Variants in PDLIM5 observed in about 807,000 individuals in gnomAD.
The protein encoded by PDLIM5 is PDZ and LIM domain protein 5.
Under a neutral mutation model 64.2 loss-of-function variants are expected in PDLIM5, and 34 were observed. That is an observed-to-expected ratio of 0.53 (90% CI 0.40 to 0.71). The LOEUF (loss-of-function observed/expected upper bound fraction) is 0.71, where lower values mean the gene tolerates loss of function less well. Among genes scored for constraint, PDLIM5 ranks in the 30% least tolerant of loss-of-function variants. The pLI is 0.00. For synonymous variants in PDLIM5, 253 were observed against 269.1 expected, an observed-to-expected ratio of 0.94 and a Z score of 0.59; for missense variants, 683 against 733.6, an observed-to-expected ratio of 0.93 and a Z score of 0.80.
chr4:94,533,530 A>C (rs1306156045), intron 3 of PDLIM5, among the ~76,000 whole-genome samples: 1 of 152,222 alleles, frequency 6.6e-6, no homozygotes, highest in Non-Finnish European at 1.5e-5. Flanking sequence ...TGGCACCAGC[A>C]TTGGCTTTGA....
chr4:94,662,351 G>T, intron 11 of PDLIM5, 71 bp from the exon 12 acceptor site: 1 of 704,680 alleles, frequency 1.4e-6, no homozygotes. Flanking sequence ...TTTTGTTGCT[G>T]CCTTCTAGGA....
chr4:94,562,215 T>G (rs1412820376), intron 3 of PDLIM5, among the ~76,000 whole-genome samples: 3 of 152,216 alleles, frequency 2.0e-5, no homozygotes, highest in African/African-American at 7.2e-5. Context: ...GCTCCACCTT[T>G]GAGTCAAGGT....
At chr4:94,634,768 C>G (rs528401091) in intron 8 of PDLIM5, among the ~76,000 whole-genome samples, 19 of 152,234 alleles carry the variant, frequency 1.2e-4, no homozygotes, top group Non-Finnish European at 4.4e-5. Context: ...TATCAAATAA[C>G]CCCCACTTTA....
At chr4:94,529,457 A>T (rs1375357643) in intron 3 of PDLIM5, among the ~76,000 whole-genome samples, 1 of 152,162 alleles carries the variant, frequency 6.6e-6, no homozygotes, top group African/African-American at 2.4e-5. Context: ...TATATCCACT[A>T]ATTTTTAAGA....
intron 1 of PDLIM5, among the ~76,000 whole-genome samples, chr4:94,454,809 A>T (rs1723182659): frequency 6.6e-6 from 1 of 152,240 alleles, no homozygotes; most frequent in African/African-American, 2.4e-5. Context: ...TGTTAGAGTA[A>T]CTTAGAATTT....
At chr4:94,543,788 G>GTGTGTA (rs1732051319) in intron 3 of PDLIM5, among the ~76,000 whole-genome samples, 1 of 21,636 alleles carries the variant, frequency 4.6e-5, no homozygotes, top group Admixed American at 2.7e-4. Flanking sequence ...CTGTGTGTGT[G>GTGTGTA]TGTGTGTGTG....
intron 3 of PDLIM5, among the ~76,000 whole-genome samples, chr4:94,564,796 C>CA (rs1734167246): frequency 6.6e-6 from 1 of 151,692 alleles, no homozygotes; most frequent in Non-Finnish European, 1.5e-5. Flanking sequence ...GCTAGGACTA[C>CA]AGGTGAGTGC....
intron 5 of PDLIM5, chr4:94,582,903 C>A: frequency 1.7e-6 from 1 of 581,118 alleles, no homozygotes. Context: ...TTGTATGCAT[C>A]AGAGGTATGT....
chr4:94,532,300 G>A (rs1342471280), intron 3 of PDLIM5, among the ~76,000 whole-genome samples: 1 of 152,112 alleles, frequency 6.6e-6, no homozygotes, highest in African/African-American at 2.4e-5. Flanking sequence ...ACGGACGAAC[G>A]TAGAAATGAA....
chr4:94,542,562 A>G (rs1303316514), intron 3 of PDLIM5, among the ~76,000 whole-genome samples: 2 of 152,164 alleles, frequency 1.3e-5, no homozygotes, highest in Non-Finnish European at 2.9e-5. Context: ...AGTAGATTCT[A>G]TGGACTGCTC....
At chr4:94,481,830 T>C (rs1053321709) in intron 2 of PDLIM5, among the ~76,000 whole-genome samples, 9 of 151,904 alleles carry the variant, frequency 5.9e-5, no homozygotes, top group Non-Finnish European at 1.2e-4. Flanking sequence ...AGGATGGTCT[T>C]GATCTCCTGA....
At chr4:94,580,000 A>G (rs553301747) in intron 5 of PDLIM5, among the ~76,000 whole-genome samples, 1 of 152,260 alleles carries the variant, frequency 6.6e-6, no homozygotes, top group South Asian at 2.1e-4. Context: ...TCAGACCTCT[A>G]TATGTACAGT....
At chr4:94,601,573 A>G (rs1737502866) in intron 7 of PDLIM5, among the ~76,000 whole-genome samples, 1 of 152,228 alleles carries the variant, frequency 6.6e-6, no homozygotes, top group Non-Finnish European at 1.5e-5. Flanking sequence ...TGCTCTTACA[A>G]AAAATCAACC....
At chr4:94,637,442 C>T (rs986115655) in intron 8 of PDLIM5, among the ~76,000 whole-genome samples, 2 of 152,082 alleles carry the variant, frequency 1.3e-5, no homozygotes, top group African/African-American at 4.8e-5. Context: ...ACCTGTAATC[C>T]CAACTACTTG....
intron 12 of PDLIM5, among the ~76,000 whole-genome samples, chr4:94,663,054 T>C (rs1172420971): frequency 1.3e-5 from 2 of 152,206 alleles, no homozygotes; most frequent in African/African-American, 4.8e-5. Context: ...TTTGATATTT[T>C]AATATTTTTG....
At chr4:94,529,930 CA>C (rs1730710422) in intron 3 of PDLIM5, among the ~76,000 whole-genome samples, 2 of 152,074 alleles carry the variant, frequency 1.3e-5, no homozygotes, top group Non-Finnish European at 2.9e-5. Flanking sequence ...CAAAGTGGAT[CA>C]TTTTTTAAAA....
chr4:94,456,502 C>T, intron 2 of PDLIM5: 1 of 704,864 alleles, frequency 1.4e-6, no homozygotes, highest in East Asian at 2.7e-5. Context: ...CTGGCCCACA[C>T]TGTTTTATAC....
chr4:94,500,324 T>G (rs759809303), intron 2 of PDLIM5, among the ~76,000 whole-genome samples: 2 of 152,226 alleles, frequency 1.3e-5, no homozygotes, highest in Non-Finnish European at 2.9e-5. Flanking sequence ...TAAGAATTTT[T>G]GAAAAGCTGT....
chr4:94,566,076 A>G (rs749450094), intron 3 of PDLIM5, among the ~76,000 whole-genome samples: 8 of 152,202 alleles, frequency 5.3e-5, no homozygotes. Flanking sequence ...GAAATTCTTT[A>G]CCAAAGTTAT....
Sources: gnomAD v4.1 joint callset for allele counts (sites outside exome capture counted in the v4.1 genomes callset) on GRCh38, gnomAD v4.1.1 for gene constraint, MANE v1.5 for transcripts, NCBI Gene and HGNC (gene_info 2026-07-23, HGNC 2026-07-21) for gene names.